The following CMTM4 variants were observed in gnomAD, a reference collection of about 807,000 sequenced individuals.
CMTM4 encodes CKLF-like MARVEL transmembrane domain-containing protein 4.
A neutral mutation model predicts 19.0 loss-of-function variants in CMTM4; 8 were observed. The observed-to-expected ratio is 0.42, with a 90% CI of 0.25 to 0.76. The LOEUF is 0.76. Among genes scored for constraint, CMTM4 ranks in the 30% least tolerant of loss-of-function variants. CMTM4 has a pLI of 0.27. For synonymous variants in CMTM4, 106 were observed against 121.1 expected (o/e 0.88, Z 0.82); for missense variants, 228 against 290.2 (o/e 0.79, Z 1.56).
At position 66,618,873 on chromosome 16, in the gene CMTM4, G is replaced by A; in HGVS notation, c.*3185C>T. 1 of 985,534 alleles carries A rather than the reference G, an allele frequency of 1.0e-6. No individual in the cohort carries two copies. The highest frequency in any genetic ancestry group is 1.2e-6 in the Non-Finnish European group (1 of 829,980). 61.0% of individuals were successfully genotyped at this position (985,534 alleles called of 1,614,324 possible). On this transcript the variant is annotated 3_prime_UTR_variant, in exon 4 of 4. Coordinates refer to ENST00000394106, the MANE Select transcript of CMTM4 (RefSeq NM_181521.3). The stretch of plus-strand genomic sequence containing the variant: ...CCAGGGGACAGTAACAGGGCCCGAA[G>A]GGCTGGGGGTGCCGCTGGCTTCCCA...
rs573411144 is a variant in CMTM4 at position 66,618,642 on chromosome 16, A to G, written c.*3416T>C. 19 of 985,458 alleles carry G rather than the reference A, an allele frequency of 1.9e-5. No homozygotes were observed. The highest frequency in any genetic ancestry group is 6.1e-5 in the Admixed American group (1 of 16,290). 61.0% of individuals were successfully genotyped at this position (985,458 alleles called of 1,614,324 possible). ...CTGCAAGCAAGAATTCACGTACATG[A>G]GTGCACAAAGGTGTTGGAGCTTGGT... is the stretch of plus-strand genomic sequence containing the variant. On this transcript the variant is annotated 3_prime_UTR_variant, in exon 4 of 4. Transcript: ENST00000394106.
the CMTM4 span, among the ~76,000 whole-genome samples, chr16:66,601,484 G>A: frequency 1.3e-5 from 2 of 152,176 alleles, no homozygotes; most frequent in African/African-American, 4.8e-5. Context: ...ATGGGCCTCA[G>A]AGTGGAGGAA....
chr16:66,650,333 A>T (rs2016288027), intron 1 of CMTM4, among the ~76,000 whole-genome samples: 1 of 152,226 alleles, frequency 6.6e-6, no homozygotes, highest in African/African-American at 2.4e-5. Flanking sequence ...AACACCTGTT[A>T]ATAGCCTTCT....
intron 2 of CMTM4, among the ~76,000 whole-genome samples, chr16:66,625,439 AAAAAAAAAAAG>A (rs1010428232): frequency 1.2e-4 from 18 of 151,858 alleles, no homozygotes; most frequent in African/African-American, 3.4e-4. Flanking sequence ...TGTCTCAAAA[AAAAAAAAAAAG>A]AAAAAGAAAA....
At chr16:66,631,671 C>A (rs1345506669) in intron 2 of CMTM4, among the ~76,000 whole-genome samples, 1 of 152,116 alleles carries the variant, frequency 6.6e-6, no homozygotes, top group Non-Finnish European at 1.5e-5. Context: ...TGTGTCCACT[C>A]AGGGTTAAAT....
At chr16:66,608,261 A>G in the CMTM4 span, 8 of 1,607,372 alleles carry the variant, frequency 5.0e-6, no homozygotes, top group Admixed American at 1.2e-4. This position sits in a 1 kb window ranked among gnomAD's most constrained non-coding sequence, Gnocchi z 5.1. Context: ...AGCACTGGAC[A>G]AGGAACATGA....
chr16:66,670,467 C>T (rs1237225750), intron 1 of CMTM4, among the ~76,000 whole-genome samples: 5 of 146,038 alleles, frequency 3.4e-5, no homozygotes, highest in Admixed American at 2.8e-4. Flanking sequence ...AAATCGTGCA[C>T]TTCTCTATAC....
At chr16:66,692,961 C>T (rs898538379) in intron 1 of CMTM4, among the ~76,000 whole-genome samples, 1 of 151,946 alleles carries the variant, frequency 6.6e-6, no homozygotes, top group African/African-American at 2.4e-5. Flanking sequence ...CAGTAGCTCA[C>T]GCCTATAATC....
At chr16:66,674,140 C>T (rs564484043) in intron 1 of CMTM4, among the ~76,000 whole-genome samples, 1 of 152,338 alleles carries the variant, frequency 6.6e-6, no homozygotes, top group South Asian at 2.1e-4. Context: ...GCAGTTGGGT[C>T]ACAGTCTGGT....
intron 2 of CMTM4, 124 bp from the exon 3 acceptor site, chr16:66,623,626 T>C: frequency 3.3e-6 from 2 of 598,464 alleles, no homozygotes; most frequent in South Asian, 2.3e-5. Context: ...CATATTTCAG[T>C]CTCAATGTCA....
intron 2 of CMTM4, among the ~76,000 whole-genome samples, chr16:66,628,367 T>C (rs2015786209): frequency 6.6e-6 from 1 of 152,356 alleles, no homozygotes; most frequent in South Asian, 2.1e-4. Flanking sequence ...TATTTCAGAC[T>C]ATCTCACGGG....
chr16:66,626,498 C>CT (rs2015741869), intron 2 of CMTM4, among the ~76,000 whole-genome samples: 1 of 152,108 alleles, frequency 6.6e-6, no homozygotes, highest in South Asian at 2.1e-4. Flanking sequence ...CCCAGTTACT[C>CT]GGCAGGCTGA....
chr16:66,617,554 A>C lies in CMTM4; in HGVS notation c.*4504T>G. On this transcript the variant is annotated 3_prime_UTR_variant, in exon 4 of 4. Coordinates refer to ENST00000394106, the MANE Select transcript of CMTM4 (RefSeq NM_181521.3). The stretch of plus-strand genomic sequence containing the variant: ...TCGGAAGAAAATTTTTCTAGACCTA[A>C]CAGATATTGACGGTATTTTCTCTCA... The C allele has an allele frequency of 7.5e-7, 1 of 1,338,690 alleles. No homozygotes were observed. The highest frequency in any genetic ancestry group is 9.6e-7 in the Non-Finnish European group (1 of 1,045,088). 82.9% of individuals were successfully genotyped at this position (1,338,690 alleles called of 1,614,324 possible).
chr16:66,695,414 C>T (rs890065594), intron 1 of CMTM4, among the ~76,000 whole-genome samples: 4 of 152,132 alleles, frequency 2.6e-5, no homozygotes, highest in African/African-American at 9.7e-5. Flanking sequence ...GTTTTGAGGC[C>T]GGTGGCCTCA....
At chr16:66,694,065 A>G (rs561667252) in intron 1 of CMTM4, among the ~76,000 whole-genome samples, 1 of 152,094 alleles carries the variant, frequency 6.6e-6, no homozygotes, top group African/African-American at 2.4e-5. Context: ...AGAGAGAGGG[A>G]GAGAGCGCGA....
At chr16:66,690,498 T>C (rs1206450709) in intron 1 of CMTM4, among the ~76,000 whole-genome samples, 1 of 152,222 alleles carries the variant, frequency 6.6e-6, no homozygotes, top group Non-Finnish European at 1.5e-5. Flanking sequence ...ATGATTTCTA[T>C]AATGTATTAC....
In CMTM4 at chr16:66,620,144, C is replaced by G; in HGVS notation, c.*1914G>C. ...TAACATGATTCCCAGCAGGAGATTT[C>G]TGATAAAGCTCAGGATGGTCCTTCC... On this transcript the variant is annotated 3_prime_UTR_variant, in exon 4 of 4. Transcript: ENST00000394106. 2.0e-6 allele frequency: 2 copies of G among 985,462 alleles called. No individual in the cohort carries two copies. Among genetic ancestry groups the G allele is most frequent in the Non-Finnish European group, 2.4e-6 (2 of 829,944 alleles). The allele number at this position is 985,462 out of a possible 1,614,324, so 61.0% of individuals were successfully genotyped here.
In CMTM4 at chr16:66,620,175, G is replaced by T; in HGVS notation, c.*1883C>A. On this transcript the variant is annotated 3_prime_UTR_variant, in exon 4 of 4. Transcript: ENST00000394106. ...AAGCTCAGGATGGTCCTTCCAAGTG[G>T]GCCCCATTTAATGCAAGGCTGAGCC... 1 of 985,442 alleles carries T rather than the reference G, an allele frequency of 1.0e-6. No homozygotes were observed. Among genetic ancestry groups the T allele is most frequent in the Non-Finnish European group, 1.2e-6 (1 of 829,932 alleles). The allele number at this position is 985,442 out of a possible 1,614,324, so 61.0% of individuals were successfully genotyped here. A position where few individuals can be genotyped will look rare whatever the true frequency, so the allele number is the denominator to read the frequency against.
Position 66,622,100 on chromosome 16 carries a change from C to G in CMTM4, c.585G>C (p.Arg195Ser), listed in dbSNP as rs1331500180. The part of the protein sequence containing the change: ...NDYIRARTES[R>S]DVDSRPEIQR... The stretch of plus-strand genomic sequence containing the variant: ...GGATCTCAGGGCGACTGTCCACATC[C>G]CTGGACTCCGTGCGGGCTCGGATGT... The change falls in exon 4 of 4, where the codon AGG becomes AGC. Residue 195 changes from arginine (R) to serine (S), a missense_variant. This residue lies in a region of CMTM4 where 200 missense variants were observed against 226.6 expected (regional missense o/e 0.88). Coordinates refer to ENST00000394106, the MANE Select transcript of CMTM4 (RefSeq NM_181521.3). The surrounding 1 kb of genome is among the most constrained non-coding windows in gnomAD (Gnocchi z 4.0). The G allele has an allele frequency of 1.3e-6, 2 of 1,591,026 alleles. No individual in the cohort carries two copies. The highest frequency in any genetic ancestry group is 1.7e-6 in the Non-Finnish European group (2 of 1,167,886).
Sources: gnomAD v4.1 joint callset for allele counts (sites outside exome capture counted in the v4.1 genomes callset) on GRCh38, gnomAD v4.1.1 for gene constraint, gnomAD v4.1.1 regional missense constraint, Gnocchi (gnomAD v3.1) non-coding constraint, MANE v1.5 for transcripts, NCBI Gene and HGNC (gene_info 2026-07-23, HGNC 2026-07-21) for gene names.